Variants in PIK3R1 observed in about 807,000 individuals in gnomAD.
The protein encoded by PIK3R1 is phosphoinositide-3-kinase regulatory subunit 1.
In PIK3R1, 29 loss-of-function variants were observed where a neutral mutation model predicts 98.0. That is an observed-to-expected ratio of 0.30 (90% CI 0.22 to 0.40). The LOEUF (loss-of-function observed/expected upper bound fraction) is 0.40. Ranked by LOEUF, PIK3R1 falls within the 10% of genes least tolerant of loss-of-function variation. The pLI, the probability that PIK3R1 is intolerant of heterozygous loss-of-function variation, is 1.00. For synonymous variants in PIK3R1, 282 were observed against 311.8 expected (o/e 0.90, Z 1.01); for missense variants, 596 against 872.7 (o/e 0.68, Z 3.99).
chr5:68,265,711 G>C (rs994172980), intron 2 of PIK3R1, among the ~76,000 whole-genome samples: 1 of 152,168 alleles, frequency 6.6e-6, no homozygotes, highest in Non-Finnish European at 1.5e-5. Context: ...AATTCAGTCT[G>C]TAGCAACTGA....
intron 2 of PIK3R1, among the ~76,000 whole-genome samples, chr5:68,257,941 A>G (rs1397538691): frequency 6.6e-6 from 1 of 152,198 alleles, no homozygotes; most frequent in Non-Finnish European, 1.5e-5. Context: ...GACACCCAAA[A>G]CACATTTTAT....
chr5:68,257,188 G>A (rs831229), intron 2 of PIK3R1, among the ~76,000 whole-genome samples: 44,097 of 152,106 alleles, frequency 0.29, 7,869 homozygotes, highest in Non-Finnish European at 0.38. Context: ...TGTACATAAC[G>A]CAAGGCAATC....
intron 2 of PIK3R1, among the ~76,000 whole-genome samples, chr5:68,251,092 C>T (rs977795351): frequency 6.6e-6 from 1 of 152,146 alleles, no homozygotes; most frequent in Non-Finnish European, 1.5e-5. Context: ...CCAGTCAGCA[C>T]ACAATGGGTT....
intron 4 of PIK3R1, among the ~76,000 whole-genome samples, chr5:68,276,247 G>A (rs537942413): frequency 6.6e-6 from 1 of 152,272 alleles, no homozygotes; most frequent in South Asian, 2.1e-4. Context: ...CTGGAAGAGT[G>A]GGAGCTTGTC....
chr5:68,226,654 G>A lies in PIK3R1; in HGVS notation c.-22G>A. 1 of 1,590,260 alleles carries A rather than the reference G, an allele frequency of 6.3e-7. No homozygotes were observed. Among genetic ancestry groups the A allele is most frequent in the Non-Finnish European group, 8.6e-7 (1 of 1,160,118 alleles). On this transcript the variant is annotated 5_prime_UTR_variant, in exon 2 of 16. Coordinates refer to ENST00000521381, the MANE Select transcript of PIK3R1 (RefSeq NM_181523.3). ...CTCTGTACAACCAGGCTCAACTGTT[G>A]CATGGTAGCAGATTTGCAAACATGA...
chr5:68,263,115 A>C (rs1369952215), intron 2 of PIK3R1, among the ~76,000 whole-genome samples: 1 of 111,512 alleles, frequency 9.0e-6, no homozygotes. Flanking sequence ...ATACATACAT[A>C]GATATATAGA....
rs1747983665 is a variant in PIK3R1, at chr5:68,300,548, CGA to C, written c.*2952_*2953del. The C allele has an allele frequency of 8.6e-6, 2 of 233,082 alleles. No individual in the cohort carries two copies. The highest frequency in any genetic ancestry group is 2.2e-5 in the African/African-American group (1 of 45,330). 14.4% of individuals were successfully genotyped at this position (233,082 alleles called of 1,614,324 possible). ...GCATTGGGACCTCACATTACACACA[CGA>C]GAGATCATAACCATGTGAAAAGGCA... On this transcript the variant is annotated 3_prime_UTR_variant, in exon 16 of 16. Transcript: ENST00000521381.
At chr5:68,241,829 T>C (rs770033278) in intron 2 of PIK3R1, among the ~76,000 whole-genome samples, 5 of 152,248 alleles carry the variant, frequency 3.3e-5, no homozygotes, top group Non-Finnish European at 5.9e-5. Flanking sequence ...TGCCTGTAAA[T>C]TGTAGACTTT....
intron 2 of PIK3R1, among the ~76,000 whole-genome samples, chr5:68,259,034 T>C (rs567667173): frequency 8.9e-4 from 135 of 152,288 alleles, no homozygotes; most frequent in African/African-American, 3.0e-3. Context: ...ACACATTCTC[T>C]AAGTAACCAA....
At chr5:68,256,329 A>C (rs1745513213) in intron 2 of PIK3R1, among the ~76,000 whole-genome samples, 3 of 152,164 alleles carry the variant, frequency 2.0e-5, no homozygotes, top group Non-Finnish European at 4.4e-5. Flanking sequence ...TCTCAGGTTC[A>C]CACCATTCTC....
At chr5:68,284,994 T>C (rs1046598899) in intron 7 of PIK3R1, among the ~76,000 whole-genome samples, 1 of 152,202 alleles carries the variant, frequency 6.6e-6, no homozygotes, top group African/African-American at 2.4e-5. Context: ...CTTTCAATAT[T>C]TTTTTCTTGA....
chr5:68,230,903 G>T (rs1744440310), intron 2 of PIK3R1, among the ~76,000 whole-genome samples: 1 of 151,986 alleles, frequency 6.6e-6, no homozygotes. Flanking sequence ...GAGTGTGCTG[G>T]GTGTGCAAGG....
chr5:68,292,283 C>T lies in PIK3R1; in HGVS notation c.941C>T (p.Pro314Leu). ...GCACTGCCTCCTAAACCACCAAAAC[C>T]TACTACTGTAGCCAACAACGGTATG... ...APALPPKPPK[P>L]TTVANNGMNN... Residue 314 changes from proline to leucine, a missense_variant, in exon 8 of 16, where the codon CCT (proline) becomes CTT (leucine). Physicochemically the swap from Pro to Leu is moderately conservative, Grantham distance 98. This residue lies in a region of PIK3R1 where 352 missense variants were observed against 393.3 expected (regional missense o/e 0.90). Transcript: ENST00000521381. 6.2e-7 allele frequency: 1 copy of T among 1,613,442 alleles called. No individual in the cohort carries two copies. The highest frequency in any genetic ancestry group is 8.5e-7 in the Non-Finnish European group (1 of 1,179,476).
At chr5:68,275,154 A>G (rs1746520154) in intron 4 of PIK3R1, among the ~76,000 whole-genome samples, 1 of 152,204 alleles carries the variant, frequency 6.6e-6, no homozygotes, top group South Asian at 2.1e-4. Context: ...AAAAATGTTT[A>G]ACTCCATTTT....
Position 68,248,800 on chromosome 5 carries a change from A to T in PIK3R1, c.334+21791A>T, listed in dbSNP as rs533288446. Reference sequence around the variant, plus strand: ...TACACCTATATATGTGTGCAAAAAAAATGTAAACTGTTACAAAGCAACATA... The same window carrying T: ...TACACCTATATATGTGTGCAAAAAATATGTAAACTGTTACAAAGCAACATA... On this transcript the variant is annotated intron_variant, in intron 2 of 15. Coordinates refer to ENST00000521381, the MANE Select transcript of PIK3R1 (RefSeq NM_181523.3). Among the ~76,000 whole-genome samples the T allele has an allele frequency of 3.4e-3, 524 of 152,338 alleles. 1 individual carries two copies. The highest frequency in any genetic ancestry group is 6.1e-3 in the Admixed American group (93 of 15,304).
At chr5:68,236,629 C>T (rs1473258853) in intron 2 of PIK3R1, among the ~76,000 whole-genome samples, 1 of 152,150 alleles carries the variant, frequency 6.6e-6, no homozygotes, top group Middle Eastern at 3.2e-3. Flanking sequence ...TAAAAAATAT[C>T]ATAGTGATGG....
Position 68,273,442 on chromosome 5 carries a change from G to T in PIK3R1, c.387G>T (p.Pro129=), listed in dbSNP as rs201402919. ...AGTTTGCCCCTCCTGACATTGCCCC[G>T]CCTCTTCTTATCAAGCTCGTGGAAG... ...AEQFAPPDIA[P]PLLIKLVEAI... is the part of the protein sequence containing the mutation. Residue 129 remains proline (P), a synonymous_variant, in exon 3 of 16, where the codon CCG becomes CCT. Coordinates refer to ENST00000521381, the MANE Select transcript of PIK3R1 (RefSeq NM_181523.3). The T allele has an allele frequency of 6.2e-7, 1 of 1,613,958 alleles. No homozygotes were observed.
At chr5:68,280,812 T>C (rs560969418) in intron 6 of PIK3R1, 83 bp downstream of exon 6, 3 of 1,305,334 alleles carry the variant, frequency 2.3e-6, no homozygotes, top group South Asian at 2.4e-5. Context: ...ATTCTGAATA[T>C]ACTACTCCAG....
intron 12 of PIK3R1, among the ~76,000 whole-genome samples, chr5:68,294,920 C>G: frequency 6.6e-6 from 1 of 150,840 alleles, no homozygotes. Flanking sequence ...TGTAACTAAC[C>G]TGCACAATGT....
Sources: gnomAD v4.1 joint callset for allele counts (sites outside exome capture counted in the v4.1 genomes callset) on GRCh38, gnomAD v4.1.1 for gene constraint, gnomAD v4.1.1 regional missense constraint, MANE v1.5 for transcripts, NCBI Gene and HGNC (gene_info 2026-07-23, HGNC 2026-07-21) for gene names.